The following GLIS3 variants were observed in gnomAD, a reference collection of about 807,000 sequenced individuals.
GLIS3 encodes GLIS family zinc finger 3.
A neutral mutation model predicts 78.6 loss-of-function variants in GLIS3; 53 were observed. That is an observed-to-expected ratio of 0.67 (90% CI 0.54 to 0.85). The LOEUF (loss-of-function observed/expected upper bound fraction) is 0.85, where lower values mean the gene tolerates loss of function less well. Ranked by LOEUF, GLIS3 falls within the 40% of genes least tolerant of loss-of-function variation. The pLI, the probability that GLIS3 is intolerant of heterozygous loss-of-function variation, is 0.00. For synonymous variants in GLIS3, 684 were observed against 509.9 expected, an observed-to-expected ratio of 1.34 and a Z score of -4.60; for missense variants, 1,703 against 1,231.1, an observed-to-expected ratio of 1.38 and a Z score of -5.74.
At chr9:4,322,289 T>G (rs540186716) in intron 2 of GLIS3, among the ~76,000 whole-genome samples, 7 of 152,296 alleles carry the variant, frequency 4.6e-5, no homozygotes, top group Admixed American at 2.0e-4. Flanking sequence ...TGATGGACAT[T>G]TGGGTTGGTT....
At chr9:4,475,856 G>A in the GLIS3 span, among the ~76,000 whole-genome samples, 4 of 152,196 alleles carry the variant, frequency 2.6e-5, no homozygotes, top group African/African-American at 9.7e-5. Context: ...AGTAGAAGAA[G>A]AGAGTCGTTG....
intron 4 of GLIS3, among the ~76,000 whole-genome samples, chr9:4,073,767 T>C (rs753743144): frequency 1.6e-4 from 25 of 152,188 alleles, no homozygotes; most frequent in Non-Finnish European, 2.6e-4. Context: ...TCATCTCTCA[T>C]ATGGGTATAA....
intron 2 of GLIS3, among the ~76,000 whole-genome samples, chr9:4,317,815 G>A (rs1261437844): frequency 6.6e-6 from 1 of 152,160 alleles, no homozygotes; most frequent in African/African-American, 2.4e-5. Flanking sequence ...ACCATTGAGA[G>A]TGAATGAAGT....
intron 2 of GLIS3, among the ~76,000 whole-genome samples, chr9:4,136,739 T>A (rs1273031930): frequency 6.6e-6 from 1 of 152,112 alleles, no homozygotes; most frequent in Admixed American, 6.6e-5. Context: ...AAAGATGAGC[T>A]AGGGCTGCCT....
chr9:4,100,636 G>A (rs759701473), intron 4 of GLIS3, among the ~76,000 whole-genome samples: 2 of 152,170 alleles, frequency 1.3e-5, no homozygotes, highest in Non-Finnish European at 2.9e-5. Context: ...AACCAGTGGT[G>A]TCTCTTTCTT....
intron 2 of GLIS3, among the ~76,000 whole-genome samples, chr9:4,138,141 T>C (rs1833539130): frequency 6.6e-6 from 1 of 152,256 alleles, no homozygotes; most frequent in South Asian, 2.1e-4. Flanking sequence ...AAGCCTCATC[T>C]GGTGGACACA....
At chr9:4,177,944 A>T (rs1233559859) in intron 2 of GLIS3, among the ~76,000 whole-genome samples, 1 of 152,196 alleles carries the variant, frequency 6.6e-6, no homozygotes, top group Admixed American at 6.5e-5. Flanking sequence ...ATGAATCCAC[A>T]TGAAATATTT....
the GLIS3 span, among the ~76,000 whole-genome samples, chr9:4,354,100 C>A: frequency 6.6e-6 from 1 of 151,628 alleles, no homozygotes; most frequent in African/African-American, 2.4e-5. Flanking sequence ...CCTCCCAAAG[C>A]GCTGGGATTA....
At chr9:4,449,149 G>A in the GLIS3 span, among the ~76,000 whole-genome samples, 5 of 152,136 alleles carry the variant, frequency 3.3e-5, no homozygotes, top group Admixed American at 2.6e-4. Context: ...CTTAGCAAAC[G>A]GCACACCAGG....
At chr9:4,164,542 T>C (rs1343593359) in intron 2 of GLIS3, among the ~76,000 whole-genome samples, 1 of 152,222 alleles carries the variant, frequency 6.6e-6, no homozygotes, top group Non-Finnish European at 1.5e-5. Flanking sequence ...TCAGACTTTC[T>C]GAGTTCCTGC....
At position 3,879,529 on chromosome 9, in the gene GLIS3, T is replaced by C. The variant is rs1821581341; in HGVS notation, c.2195A>G (p.His732Arg). ...GTAAGAVPPP[H>R]PVSHPSPGHN... ...TCCTGGAGAAGGGTGACTGACAGGA[T>C]GTGGGGGTGGTACGGCCCCAGCAGC... The change falls in exon 8 of 11, where the codon CAT becomes CGT. Residue 732 changes from histidine to arginine, a missense_variant. Transcript: ENST00000381971. The C allele has an allele frequency of 6.2e-7, 1 of 1,613,950 alleles. No homozygotes were observed.
At chr9:4,208,396 G>A (rs1820067614) in intron 2 of GLIS3, among the ~76,000 whole-genome samples, 1 of 152,216 alleles carries the variant, frequency 6.6e-6, no homozygotes, top group South Asian at 2.1e-4. Context: ...GACGTCAATG[G>A]CAAGGGGACT....
the GLIS3 span, among the ~76,000 whole-genome samples, chr9:4,445,106 G>A: frequency 1.3e-5 from 2 of 152,170 alleles, no homozygotes; most frequent in African/African-American, 4.8e-5. Context: ...TTCAAGCACG[G>A]CACAGTGGTG....
intron 7 of GLIS3, chr9:3,898,388 C>T: frequency 1.5e-5 from 6 of 407,292 alleles, no homozygotes; most frequent in East Asian, 1.1e-4. Flanking sequence ...ACATTTCCTT[C>T]GAGTCTAAAT....
chr9:4,170,253 A>C (rs1362931045), intron 2 of GLIS3, among the ~76,000 whole-genome samples: 4 of 152,218 alleles, frequency 2.6e-5, no homozygotes, highest in Admixed American at 6.5e-5. Flanking sequence ...TAACAATAAA[A>C]TTAGAGAAAA....
At chr9:4,042,360 A>T (rs556786503) in intron 4 of GLIS3, among the ~76,000 whole-genome samples, 50 of 152,336 alleles carry the variant, frequency 3.3e-4, no homozygotes, top group African/African-American at 1.1e-3. Flanking sequence ...AACATAGACT[A>T]AACCTAAGCT....
chr9:4,332,707 G>A lies in GLIS3; in HGVS notation n.264+14374C>T, dbSNP rs566576645. Among the ~76,000 whole-genome samples, 17 of 152,328 alleles carry A rather than the reference G, an allele frequency of 1.1e-4. No individual in the cohort carries two copies. In the South Asian group the frequency reaches 3.3e-3, roughly 30 times the overall value. On this transcript the variant is annotated intron_variant and non_coding_transcript_variant, in intron 2 of 4. Coordinates refer to the GLIS3 transcript ENST00000471664. ...AAAGTTCTCTAATCTTTGAGCTATT[G>A]TAGCTAATAGGCGGGAGTCAGCCTC...
chr9:4,047,187 G>GTTTCACA (rs1247825700), intron 4 of GLIS3, among the ~76,000 whole-genome samples: 77 of 152,140 alleles, frequency 5.1e-4, no homozygotes, highest in Admixed American at 2.9e-3. Context: ...GTTTCACAAG[G>GTTTCACA]GGCTCTTCCC....
chr9:3,991,195 A>G (rs762488980), intron 4 of GLIS3, among the ~76,000 whole-genome samples: 14 of 152,198 alleles, frequency 9.2e-5, no homozygotes, highest in Admixed American at 2.6e-4. Context: ...GTTTGCATTT[A>G]AAATGGGAAG....
Sources: gnomAD v4.1 joint callset for allele counts (sites outside exome capture counted in the v4.1 genomes callset) on GRCh38, gnomAD v4.1.1 for gene constraint, MANE v1.5 for transcripts, NCBI Gene and HGNC (gene_info 2026-07-23, HGNC 2026-07-21) for gene names.